NINJ2: variants seen among roughly 807,000 people sequenced by gnomAD.
The protein encoded by NINJ2 is ninjurin 2.
In NINJ2, 12 loss-of-function variants were observed where a neutral mutation model predicts 11.7. The observed-to-expected ratio is 1.02, with a 90% CI of 0.66 to 1.66. NINJ2 has a LOEUF of 1.66. Ranked by LOEUF, NINJ2 falls within the 40% of genes most tolerant of loss-of-function variation. The pLI is 0.00. For missense variants in NINJ2, 187 were observed against 181.8 expected (o/e 1.03, Z -0.16); for synonymous variants, 93 against 76.8 (o/e 1.21, Z -1.10).
chr12:579,922 T>C (rs947245905), intron 1 of NINJ2, among the ~76,000 whole-genome samples: 9 of 152,166 alleles, frequency 5.9e-5, no homozygotes, highest in Non-Finnish European at 1.3e-4. Context: ...TACATCCTAT[T>C]CTCCTAATCC....
At chr12:596,814 C>T (rs897310797) in intron 1 of NINJ2, among the ~76,000 whole-genome samples, 13 of 151,656 alleles carry the variant, frequency 8.6e-5, no homozygotes, top group African/African-American at 2.9e-4. Flanking sequence ...GTCCCAGCTA[C>T]AGGAGGCTGA....
At chr12:649,531 G>GTATGTATATATA (rs1555167491) in intron 1 of NINJ2, among the ~76,000 whole-genome samples, 1 of 127,696 alleles carries the variant, frequency 7.8e-6, no homozygotes, top group East Asian at 2.5e-4. Flanking sequence ...GTGTATATGT[G>GTATGTATATATA]TATATATATA....
At chr12:651,076 T>C (rs1197111579) in intron 1 of NINJ2, among the ~76,000 whole-genome samples, 1 of 151,612 alleles carries the variant, frequency 6.6e-6, no homozygotes, top group Non-Finnish European at 1.5e-5. Flanking sequence ...AGTTAAAAAC[T>C]CCAGGGTGAC....
rs59288136 is a variant in NINJ2, at chr12:581,511, C to T, written c.34-15333G>A. Among the ~76,000 whole-genome samples the T allele has an allele frequency of 0.098, 14,853 of 152,122 alleles. 843 individuals are homozygous for T. Among genetic ancestry groups the T allele is most frequent in the African/African-American group, 0.14 (5,901 of 41,476 alleles). On this transcript the variant is annotated intron_variant, in intron 1 of 3. Transcript: ENST00000305108. The surrounding 1 kb of genome is among the most constrained non-coding windows in gnomAD (Gnocchi z 4.9). Reference sequence around the variant, plus strand: ...TCATGCCTTTTCCCTGCCAGCAAAGCAGGTCCAGCCTGGATCCTCATACCG... The same window carrying T: ...TCATGCCTTTTCCCTGCCAGCAAAGTAGGTCCAGCCTGGATCCTCATACCG...
At chr12:650,460 G>A (rs1937769986) in intron 1 of NINJ2, among the ~76,000 whole-genome samples, 1 of 152,190 alleles carries the variant, frequency 6.6e-6, no homozygotes, top group African/African-American at 2.4e-5. Context: ...ATCACTTTGG[G>A]AAGCCAAGGC....
chr12:586,099 G>A (rs576966114), intron 1 of NINJ2: 3 of 151,200 alleles, frequency 2.0e-5, no homozygotes, highest in Admixed American at 6.6e-5. Flanking sequence ...TTGATTAAGG[G>A]TGAGCCTCAG....
intron 1 of NINJ2, among the ~76,000 whole-genome samples, chr12:567,881 G>A (rs986672878): frequency 6.6e-6 from 1 of 152,176 alleles, no homozygotes; most frequent in Admixed American, 6.5e-5. Context: ...GGTGTCACAC[G>A]CCTGTAATCC....
rs934994990 is a variant in NINJ2, at chr12:614,008, C to T, written c.34-47830G>A. Among the ~76,000 whole-genome samples, 5 of 152,204 alleles carry T rather than the reference C, an allele frequency of 3.3e-5. No individual in the cohort carries two copies. Among genetic ancestry groups the T allele is most frequent in the African/African-American group, 1.2e-4 (5 of 41,448 alleles). ...GATGGTACCTCCACCATGTGCCAGGCCCCACACTGGCATTTTCTTTCCAGG... is the reference window on the plus strand; with the variant it reads ...GATGGTACCTCCACCATGTGCCAGGTCCCACACTGGCATTTTCTTTCCAGG... On this transcript the variant is annotated intron_variant, in intron 1 of 3. Coordinates refer to ENST00000305108, the MANE Select transcript of NINJ2 (RefSeq NM_016533.6). The surrounding 1 kb of genome is among the most constrained non-coding windows in gnomAD (Gnocchi z 5.1).
rs1022857692 is a variant in NINJ2, at chr12:581,023, T to A, written c.34-14845A>T. Reference sequence around the variant, plus strand: ...GTCTGTGTGAATGTGTGTGTTCATGTCTTGTGTATGTGTCTGTGTGTGTCT... The same window carrying A: ...GTCTGTGTGAATGTGTGTGTTCATGACTTGTGTATGTGTCTGTGTGTGTCT... On this transcript the variant is annotated intron_variant, in intron 1 of 3. Coordinates refer to ENST00000305108, the MANE Select transcript of NINJ2 (RefSeq NM_016533.6). This position sits in a 1 kb window ranked among gnomAD's most constrained non-coding sequence, Gnocchi z 4.9. Among the ~76,000 whole-genome samples the A allele has an allele frequency of 6.6e-6, 1 of 151,420 alleles. No individual in the cohort carries two copies. The highest frequency in any genetic ancestry group is 1.5e-5 in the Non-Finnish European group (1 of 67,810).
chr12:570,811 A>G (rs1427515952), intron 1 of NINJ2, among the ~76,000 whole-genome samples: 1 of 152,002 alleles, frequency 6.6e-6, no homozygotes, highest in Non-Finnish European at 1.5e-5. Context: ...GGAGCAGGGG[A>G]CCGGTGGGCT....
At position 568,876 on chromosome 12, in the gene NINJ2, A is replaced by ACCC. The variant is rs5795931; in HGVS notation, c.34-2701_34-2699dup. Among the ~76,000 whole-genome samples, 164 of 112,820 alleles carry ACCC rather than the reference A, an allele frequency of 1.5e-3. 1 individual carries two copies. Among genetic ancestry groups the ACCC allele is most frequent in the African/African-American group, 3.0e-3 (81 of 26,874 alleles). The allele number at this position is 112,820 out of a possible 152,430, so 74.0% of individuals were successfully genotyped here. On this transcript the variant is annotated intron_variant, in intron 1 of 3. Coordinates refer to ENST00000305108, the MANE Select transcript of NINJ2 (RefSeq NM_016533.6). ...AGGCGGTGCTTGGGGCTGTGAGGAC[A>ACCC]CCCCCCCCCCCCCGCCCCCCGGGTA...
Position 564,678 on chromosome 12 carries a change from G to A in NINJ2, c.*22C>T, listed in dbSNP as rs1947266730. On this transcript the variant is annotated 3_prime_UTR_variant, in exon 4 of 4. Transcript: ENST00000305108. ...GAAGGAGGCAGAAGTTCCAGGCCCA[G>A]AACCTGTTGAGGAAGCAGAGAAGAG... The A allele has an allele frequency of 6.6e-6, 1 of 152,592 alleles. No homozygotes were observed. The highest frequency in any genetic ancestry group is 2.4e-5 in the African/African-American group (1 of 41,474). 9.5% of individuals were successfully genotyped at this position (152,592 alleles called of 1,614,324 possible). A position where few individuals can be genotyped will look rare whatever the true frequency, so the allele number is the denominator to read the frequency against.
intron 1 of NINJ2, chr12:645,745 C>T (rs1327324205): frequency 1.3e-5 from 2 of 152,192 alleles, no homozygotes; most frequent in African/African-American, 4.8e-5. Context: ...GGCACACCAC[C>T]GAATACTCTG....
intron 1 of NINJ2, among the ~76,000 whole-genome samples, chr12:596,107 T>C (rs1243992398): frequency 6.6e-6 from 1 of 152,178 alleles, no homozygotes; most frequent in Non-Finnish European, 1.5e-5. Context: ...GGCAATTTCT[T>C]TCAAAATTCA....
intron 1 of NINJ2, among the ~76,000 whole-genome samples, chr12:576,020 C>A (rs1947453533): frequency 6.6e-6 from 1 of 152,154 alleles, no homozygotes; most frequent in Non-Finnish European, 1.5e-5. Context: ...CATGCAGGCT[C>A]CTGACTGCAG....
chr12:566,813 C>G (rs1471908944), intron 1 of NINJ2, among the ~76,000 whole-genome samples: 3 of 152,082 alleles, frequency 2.0e-5, no homozygotes, highest in Admixed American at 2.0e-4. Flanking sequence ...GTTAAACACT[C>G]ACATCATTTT....
At chr12:615,181 C>T (rs139844684) in intron 1 of NINJ2, among the ~76,000 whole-genome samples, 1 of 152,202 alleles carries the variant, frequency 6.6e-6, no homozygotes, top group Non-Finnish European at 1.5e-5. Flanking sequence ...CATTAGGAAG[C>T]TACATCCAAA....
At chr12:631,304 G>A (rs1322246811) in intron 1 of NINJ2, among the ~76,000 whole-genome samples, 2 of 152,266 alleles carry the variant, frequency 1.3e-5, no homozygotes, top group Middle Eastern at 3.4e-3. Context: ...AGACATGCGT[G>A]GGCATCTGCG....
intron 1 of NINJ2, among the ~76,000 whole-genome samples, chr12:656,696 C>T (rs1937877661): frequency 6.6e-6 from 1 of 151,676 alleles, no homozygotes; most frequent in Non-Finnish European, 1.5e-5. Flanking sequence ...TTGCAGTGAG[C>T]CGAGATTGCG....
Sources: gnomAD v4.1 joint callset for allele counts (sites outside exome capture counted in the v4.1 genomes callset) on GRCh38, gnomAD v4.1.1 for gene constraint, Gnocchi (gnomAD v3.1) non-coding constraint, MANE v1.5 for transcripts, NCBI Gene and HGNC (gene_info 2026-07-23, HGNC 2026-07-21) for gene names.